ZNF423: variants seen among roughly 807,000 people sequenced by gnomAD.
The protein encoded by ZNF423 is Ebf-associated zinc finger protein.
ZNF423 carries 12 observed loss-of-function variants against 95.8 expected under a neutral mutation model. That is an observed-to-expected ratio of 0.13 (90% confidence interval 0.08 to 0.20). The LOEUF (loss-of-function observed/expected upper bound fraction) is 0.20. Ranked by LOEUF, ZNF423 falls within the 10% of genes least tolerant of loss-of-function variation. The pLI, the probability that ZNF423 is intolerant of heterozygous loss-of-function variation, is 1.00. For missense variants in ZNF423, 1,316 were observed against 1,737.1 expected, an observed-to-expected ratio of 0.76 and a Z score of 4.31; for synonymous variants, 749 against 711.9, an observed-to-expected ratio of 1.05 and a Z score of -0.83.
chr16:49,674,377 T>C (rs1181403960), intron 3 of ZNF423, among the ~76,000 whole-genome samples: 1 of 152,076 alleles, frequency 6.6e-6, no homozygotes, highest in African/African-American at 2.4e-5. Context: ...TGGGGAGCAG[T>C]CCAGTCGGTA....
At chr16:49,679,441 T>C (rs2151935726) in intron 3 of ZNF423, among the ~76,000 whole-genome samples, 1 of 152,350 alleles carries the variant, frequency 6.6e-6, no homozygotes, top group East Asian at 1.9e-4. Flanking sequence ...TCCTGCTGCC[T>C]GGCTTCTCCC....
upstream of ZNF423, among the ~76,000 whole-genome samples, chr16:49,858,730 C>A (rs1257507873): frequency 4.4e-5 from 4 of 90,860 alleles, no homozygotes; most frequent in African/African-American, 1.2e-4. This position sits in a 1 kb window ranked among gnomAD's most constrained non-coding sequence, Gnocchi z 4.3. Context: ...CCCCCCCCCA[C>A]GCCCCCGCGG....
chr16:49,600,669 G>A (rs188095536), intron 5 of ZNF423, among the ~76,000 whole-genome samples: 33 of 152,222 alleles, frequency 2.2e-4, no homozygotes, highest in East Asian at 1.4e-3. Flanking sequence ...GGAAGGAGCC[G>A]GCCGACGTTT....
chr16:49,801,188 C>T (rs2034577171), intron 1 of ZNF423, among the ~76,000 whole-genome samples: 2 of 152,246 alleles, frequency 1.3e-5, no homozygotes, highest in African/African-American at 4.8e-5. Flanking sequence ...TGCCCTGCCA[C>T]AGCCTGCCTC....
At chr16:49,584,277 G>T (rs1970753843) in intron 5 of ZNF423, among the ~76,000 whole-genome samples, 1 of 152,194 alleles carries the variant, frequency 6.6e-6, no homozygotes, top group Non-Finnish European at 1.5e-5. Context: ...ATATACGAAA[G>T]AACGTCTATC....
intron 1 of ZNF423, among the ~76,000 whole-genome samples, chr16:49,812,772 G>A (rs2034774360): frequency 6.6e-6 from 1 of 152,198 alleles, no homozygotes; most frequent in African/African-American, 2.4e-5. Context: ...AGTGAGAAAG[G>A]GTGAGGGGCT....
rs1156519110 is a variant in ZNF423, at chr16:49,636,280, G to T, written c.2896C>A (p.His966Asn). ...TCACCACAGATGGGACACATGTAGT[G>T]CTTGGCAGGGCCCCGGTGCGTCTGC... ...HLQTHRGPAK[H>N]YMCPICGERF... Residue 966 changes from histidine (H) to asparagine (N), a missense_variant, in exon 4 of 8, where the codon CAC becomes AAC. By Grantham distance (68) the His-to-Asn change is moderately conservative. This residue lies in a region of ZNF423 where 620 missense variants were observed against 775.6 expected (regional missense o/e 0.80). Transcript: ENST00000563137. The surrounding 1 kb of genome is among the most constrained non-coding windows in gnomAD (Gnocchi z 8.6). The T allele has an allele frequency of 2.5e-6, 4 of 1,612,852 alleles. No individual in the cohort carries two copies. The South Asian group carries it at 3.3e-5, about 13-fold the overall frequency.
chr16:49,822,204 C>T (rs2034952408), intron 1 of ZNF423, among the ~76,000 whole-genome samples: 1 of 149,190 alleles, frequency 6.7e-6, no homozygotes, highest in Non-Finnish European at 1.5e-5. Flanking sequence ...AATGGAGTCT[C>T]TCTCTGTTGC....
At chr16:49,626,762 T>C (rs1265085615) in intron 4 of ZNF423, among the ~76,000 whole-genome samples, 3 of 148,324 alleles carry the variant, frequency 2.0e-5, no homozygotes, top group Non-Finnish European at 3.0e-5. Flanking sequence ...CACCCACCAA[T>C]AGACCCATCC....
chr16:49,771,950 T>C (rs563416132), intron 2 of ZNF423, among the ~76,000 whole-genome samples: 10 of 152,250 alleles, frequency 6.6e-5, no homozygotes, highest in South Asian at 6.2e-4. Context: ...CATATGGATA[T>C]ATGGAGAAGT....
At chr16:49,552,948 G>A (rs1260641608) in intron 5 of ZNF423, among the ~76,000 whole-genome samples, 1 of 152,144 alleles carries the variant, frequency 6.6e-6, no homozygotes, top group Non-Finnish European at 1.5e-5. Context: ...CATTTATGGT[G>A]CAAGCAAGAA....
At chr16:49,831,705 T>C (rs1380563193) in intron 1 of ZNF423, among the ~76,000 whole-genome samples, 2 of 152,212 alleles carry the variant, frequency 1.3e-5, no homozygotes, top group South Asian at 2.1e-4. Context: ...AAATTATTGA[T>C]AAAGTCTGAG....
At chr16:49,687,923 G>C (rs947580950) in intron 3 of ZNF423, among the ~76,000 whole-genome samples, 13 of 152,218 alleles carry the variant, frequency 8.5e-5, no homozygotes, top group African/African-American at 3.1e-4. Flanking sequence ...GACCCCAAGG[G>C]AGGGACACGG....
chr16:49,665,568 A>G (rs923389456), intron 3 of ZNF423, among the ~76,000 whole-genome samples: 2 of 152,184 alleles, frequency 1.3e-5, no homozygotes, highest in Non-Finnish European at 2.9e-5. Flanking sequence ...AGGACCAGCA[A>G]GAGCAAAGGC....
At chr16:49,780,700 T>TC (rs934443774) in intron 2 of ZNF423, 2 of 151,954 alleles carry the variant, frequency 1.3e-5, no homozygotes, top group Non-Finnish European at 2.9e-5. Context: ...CCTGCCACGC[T>TC]CCCCCGGTGA....
chr16:49,588,476 G>A (rs1222830958), intron 5 of ZNF423, among the ~76,000 whole-genome samples: 1 of 152,202 alleles, frequency 6.6e-6, no homozygotes, highest in African/African-American at 2.4e-5. Flanking sequence ...ATCTGGGTAT[G>A]AGCTGTTGCA....
rs1364840027 is a variant in ZNF423 at position 49,578,909 on chromosome 16, A to G, written c.3601+47261T>C. Among the ~76,000 whole-genome samples, 5 of 152,288 alleles carry G rather than the reference A, an allele frequency of 3.3e-5. No individual in the cohort carries two copies. The South Asian group carries it at 8.3e-4, about 25-fold the overall frequency. On this transcript the variant is annotated intron_variant, in intron 5 of 7. Transcript: ENST00000563137. Reference sequence around the variant, plus strand: ...AAAATGCGCTAGTGTTAAAATATTCATCTGGTTTTGGTTGGGACTGAGAGG... The same window carrying G: ...AAAATGCGCTAGTGTTAAAATATTCGTCTGGTTTTGGTTGGGACTGAGAGG...
intron 7 of ZNF423, among the ~76,000 whole-genome samples, chr16:49,494,714 A>T (rs921413091): frequency 2.6e-5 from 4 of 152,024 alleles, no homozygotes; most frequent in African/African-American, 9.7e-5. Flanking sequence ...AGGTGGTGGG[A>T]CCCCTGTCCC....
chr16:49,806,725 T>TA (rs113697513), intron 1 of ZNF423, among the ~76,000 whole-genome samples: 3,018 of 145,788 alleles, frequency 0.021, 88 homozygotes, highest in African/African-American at 0.071. Context: ...TTTTTGTGGT[T>TA]AAAAAAAAAA....
Sources: allele counts gnomAD v4.1 joint callset (sites outside exome capture counted in the v4.1 genomes callset), GRCh38; gene constraint gnomAD v4.1.1; regional missense constraint gnomAD v4.1.1; non-coding constraint Gnocchi (gnomAD v3.1); transcripts MANE v1.5; gene names NCBI Gene and HGNC (gene_info 2026-07-23, HGNC 2026-07-21).